The following ZFP64 variants were observed in gnomAD, a reference collection of about 807,000 sequenced individuals.
The protein encoded by ZFP64 is ZFP64 zinc finger protein.
ZFP64 carries 14 observed loss-of-function variants against 51.6 expected under a neutral mutation model. The ratio of observed to expected loss-of-function variants is 0.27; its 90% CI spans 0.18 to 0.42. ZFP64 has a LOEUF of 0.42. Ranked by LOEUF, ZFP64 falls within the 10% of genes least tolerant of loss-of-function variation. The pLI is 1.00. For synonymous variants in ZFP64, 375 were observed against 361.4 expected (o/e 1.04, Z -0.43); for missense variants, 754 against 906.8 (o/e 0.83, Z 2.16).
chr20:52,086,535 T>C (rs112708423), intron 8 of ZFP64, among the ~76,000 whole-genome samples: 4,381 of 151,336 alleles, frequency 0.029, 102 homozygotes, highest in Non-Finnish European at 0.041. Context: ...TGGAGTGCAG[T>C]GACGCAATCT....
intron 4 of ZFP64, among the ~76,000 whole-genome samples, chr20:52,164,228 G>A (rs914525099): frequency 2.0e-5 from 3 of 152,128 alleles, no homozygotes; most frequent in Middle Eastern, 3.4e-3. Context: ...TGGGCGGGTC[G>A]AGTGCCACCG....
intron 5 of ZFP64, among the ~76,000 whole-genome samples, chr20:52,156,743 G>C (rs950693047): frequency 2.6e-5 from 4 of 152,230 alleles, no homozygotes; most frequent in Non-Finnish European, 5.9e-5. Context: ...AGATTCGGTT[G>C]CATGTGGAGG....
In ZFP64 at chr20:52,172,370, CTTG is replaced by C. The variant is rs776619959; in HGVS notation, c.287-6348_287-6346del. ...ATTGCAGTGATCTCAGAGCTTAGAT[CTTG>C]TTGTTCTAGTAAAGATTCAAGGGAA... On this transcript the variant is annotated intron_variant, in intron 2 of 5. Transcript: ENST00000216923. 1.6e-4 allele frequency among the ~76,000 whole-genome samples: 25 copies of C among 152,130 alleles called. 1 individual carries two copies. Among genetic ancestry groups the C allele is most frequent in the Admixed American group, 3.9e-4 (6 of 15,278 alleles).
chr20:52,157,110 C>T (rs974481972), intron 5 of ZFP64, among the ~76,000 whole-genome samples: 4 of 152,040 alleles, frequency 2.6e-5, no homozygotes, highest in Non-Finnish European at 5.9e-5. Flanking sequence ...AGAGTGAAGA[C>T]CAAATGTGAA....
intron 7 of ZFP64, chr20:52,088,738 GCCT>G: frequency 1.3e-6 from 2 of 1,493,808 alleles, no homozygotes; most frequent in Non-Finnish European, 1.8e-6. Context: ...TGGGTGTGCC[GCCT>G]CCTCCTGTCC....
chr20:52,176,609 A>T (rs1262845430), intron 2 of ZFP64, among the ~76,000 whole-genome samples: 1 of 150,036 alleles, frequency 6.7e-6, no homozygotes, highest in East Asian at 1.9e-4. Flanking sequence ...TCCCGGGTTC[A>T]CGCCATTCTC....
At chr20:52,096,174 G>A (rs1422148766) in intron 7 of ZFP64, among the ~76,000 whole-genome samples, 1 of 152,190 alleles carries the variant, frequency 6.6e-6, no homozygotes, top group African/African-American at 2.4e-5. Flanking sequence ...AGGCTCATCT[G>A]GCCATGTGTT....
chr20:52,187,160 T>C (rs1984030970), intron 1 of ZFP64, 89 bp from the exon 2 acceptor site: 1 of 1,429,552 alleles, frequency 7.0e-7, no homozygotes, highest in Non-Finnish European at 9.5e-7. Flanking sequence ...AGAAAAGGCA[T>C]GGTGGCAGAC....
chr20:52,141,000 A>G (rs6021729), intron 5 of ZFP64, among the ~76,000 whole-genome samples: 54,901 of 151,798 alleles, frequency 0.36, 10,622 homozygotes, highest in Non-Finnish European at 0.42. Context: ...CTAGGCTCTA[A>G]AAATGGAACC....
chr20:52,143,702 A>AT lies in ZFP64; in HGVS notation c.763+16420dup, dbSNP rs11478756. 3.5e-4 allele frequency among the ~76,000 whole-genome samples: 47 copies of AT among 134,596 alleles called. 5 individuals are homozygous for AT. In the South Asian group the frequency reaches 5.9e-3, roughly 17 times the overall value. 88.3% of individuals were successfully genotyped at this position (134,596 alleles called of 152,430 possible). A position where few individuals can be genotyped will look rare whatever the true frequency, so the allele number is the denominator to read the frequency against. On this transcript the variant is annotated intron_variant, in intron 5 of 8. Transcript: ENST00000361387. ...AGGTGCACACCACCACACCCGGCCAATTTTTTTTTTTATTATTAATAGTAT... is the reference window on the plus strand; with the variant it reads ...AGGTGCACACCACCACACCCGGCCAATTTTTTTTTTTTATTATTAATAGTAT...
At chr20:52,110,964 G>A (rs1162241801) in intron 5 of ZFP64, 2 of 1,528,024 alleles carry the variant, frequency 1.3e-6, no homozygotes, top group African/African-American at 2.7e-5. Context: ...ACTTCACCAA[G>A]ACGAACCTGC....
At chr20:52,098,369 G>A in intron 6 of ZFP64, 1 of 1,583,500 alleles carries the variant, frequency 6.3e-7, no homozygotes, top group Non-Finnish European at 8.6e-7. Context: ...GCAGCTCAGA[G>A]ATTCACGTAG....
chr20:52,102,111 A>C (rs1486427805), intron 5 of ZFP64, among the ~76,000 whole-genome samples: 1 of 145,688 alleles, frequency 6.9e-6, no homozygotes, highest in South Asian at 2.1e-4. Context: ...CATCTCCAAA[A>C]AAAAAAAAAA....
chr20:52,180,512 C>T (rs953865607), intron 2 of ZFP64, among the ~76,000 whole-genome samples: 2 of 131,040 alleles, frequency 1.5e-5, no homozygotes, highest in Non-Finnish European at 3.1e-5. Flanking sequence ...GACTTTTAAC[C>T]TGGGACTTAA....
At chr20:52,099,764 A>C (rs2079030928) in intron 5 of ZFP64, among the ~76,000 whole-genome samples, 1 of 152,256 alleles carries the variant, frequency 6.6e-6, no homozygotes, top group African/African-American at 2.4e-5. Context: ...GACCACATGC[A>C]ATTAATGGTT....
At chr20:52,146,199 A>T (rs574612542) in intron 5 of ZFP64, among the ~76,000 whole-genome samples, 1 of 152,288 alleles carries the variant, frequency 6.6e-6, no homozygotes, top group East Asian at 1.9e-4. Context: ...AGAACTAGAA[A>T]TACCATTTGA....
Position 52,144,355 on chromosome 20 carries a change from A to T in ZFP64, c.763+15768T>A, listed in dbSNP as rs13045200. Among the ~76,000 whole-genome samples the T allele has an allele frequency of 2.7e-4, 35 of 128,794 alleles. 1 individual carries two copies. Among genetic ancestry groups the T allele is most frequent in the Non-Finnish European group, 3.8e-4 (22 of 58,098 alleles). The allele number at this position is 128,794 out of a possible 152,430, so 84.5% of individuals were successfully genotyped here. A position where few individuals can be genotyped will look rare whatever the true frequency, so the allele number is the denominator to read the frequency against. Reference sequence around the variant, plus strand: ...AGCACTTTGGGAGGCCAAGGCGGGCAGATCACGAGGTCAAGAGATCAAGAC... The same window carrying T: ...AGCACTTTGGGAGGCCAAGGCGGGCTGATCACGAGGTCAAGAGATCAAGAC... On this transcript the variant is annotated intron_variant, in intron 5 of 8. Coordinates refer to the ZFP64 transcript ENST00000361387.
rs370807118 is a variant in ZFP64 at position 52,143,740 on chromosome 20, G to C, written c.763+16383C>G. On this transcript the variant is annotated intron_variant, in intron 5 of 8. Coordinates refer to the ZFP64 transcript ENST00000361387. ...TTATTAATAGTATTTGTAGAGACAGGGTCTCCCCTATGCTGCTCAAGCTGG... is the reference window on the plus strand; with the variant it reads ...TTATTAATAGTATTTGTAGAGACAGCGTCTCCCCTATGCTGCTCAAGCTGG... Among the ~76,000 whole-genome samples, 16 of 141,364 alleles carry C rather than the reference G, an allele frequency of 1.1e-4. 6 individuals are homozygous for C. The East Asian group carries it at 1.2e-3, about 11-fold the overall frequency. The allele number at this position is 141,364 out of a possible 152,430, so 92.7% of individuals were successfully genotyped here.
chr20:52,109,203 T>C (rs1473583169), intron 5 of ZFP64, among the ~76,000 whole-genome samples: 1 of 151,814 alleles, frequency 6.6e-6, no homozygotes, highest in Non-Finnish European at 1.5e-5. Context: ...CAGGCTGGAG[T>C]GCAGTGGCAT....
Sources: allele counts gnomAD v4.1 joint callset (sites outside exome capture counted in the v4.1 genomes callset), GRCh38; gene constraint gnomAD v4.1.1; transcripts MANE v1.5; gene names NCBI Gene and HGNC (gene_info 2026-07-23, HGNC 2026-07-21).